Variants in PIEZO2 observed in about 807,000 individuals in gnomAD.
PIEZO2 encodes the protein piezo type mechanosensitive ion channel component 2, also known as piezo-type mechanosensitive ion channel component 2.
PIEZO2 carries 172 observed loss-of-function variants against 337.3 expected under a neutral mutation model. The observed-to-expected ratio is 0.51, with a 90% CI of 0.45 to 0.58. The LOEUF (loss-of-function observed/expected upper bound fraction) is 0.58, where lower values mean the gene tolerates loss of function less well. PIEZO2 is among the 20% of genes least tolerant of loss of function. The pLI is 0.00. For missense variants in PIEZO2, 3,028 were observed against 3,391.3 expected, an observed-to-expected ratio of 0.89 and a Z score of 2.66; for synonymous variants, 1,251 against 1,228.5, an observed-to-expected ratio of 1.02 and a Z score of -0.38.
intron 1 of PIEZO2, among the ~76,000 whole-genome samples, chr18:11,124,453 G>A (rs956127302): frequency 6.6e-6 from 1 of 152,170 alleles, no homozygotes; most frequent in African/African-American, 2.4e-5. Flanking sequence ...CAAAATGCCA[G>A]TTGAAAATAC....
At position 10,864,279 on chromosome 18, in the gene PIEZO2, C is replaced by G. The variant is rs148366659; in HGVS notation, c.492+6974G>C. ...TTTTTAACCAAGACTGGGCTCTGCT[C>G]CAAGCACAGTGCTAGGTCCAGGGTG... On this transcript the variant is annotated intron_variant, in intron 5 of 55. Transcript: ENST00000674853. 7.5e-3 allele frequency among the ~76,000 whole-genome samples: 1,146 copies of G among 152,260 alleles called. 11 individuals are homozygous for G. The highest frequency in any genetic ancestry group is 0.026 in the African/African-American group (1,072 of 41,548).
chr18:10,789,240 C>T lies in PIEZO2; in HGVS notation c.2008G>A (p.Asp670Asn). 1 of 1,537,298 alleles carries T rather than the reference C, an allele frequency of 6.5e-7. No homozygotes were observed. The highest frequency in any genetic ancestry group is 8.7e-7 in the Non-Finnish European group (1 of 1,146,908). The change falls in exon 15 of 56, where the codon GAC (aspartate) becomes AAC (asparagine). Residue 670 changes from aspartate to asparagine, a missense_variant. By Grantham distance (23) the Asp-to-Asn change is conservative. This residue lies in a region of PIEZO2 where 1,925 missense variants were observed against 2,051.9 expected (regional missense o/e 0.94). Coordinates refer to ENST00000674853, the MANE Select transcript of PIEZO2 (RefSeq NM_001378183.1). ...QEEAEEEDEQ[D>N]IMKVLGNLVV... ...AGATTGCCCAGGACTTTCATGATGT[C>T]CTGCTCATCTTCTTCTTCAGCTTCC... is the stretch of plus-strand genomic sequence containing the variant.
At chr18:11,005,549 G>A (rs2035689068) in intron 2 of PIEZO2, among the ~76,000 whole-genome samples, 1 of 152,152 alleles carries the variant, frequency 6.6e-6, no homozygotes, top group Admixed American at 6.5e-5. Context: ...CACCTGAGAG[G>A]GTGCTCATAA....
chr18:10,720,431 A>G lies in PIEZO2; in HGVS notation c.5030-2172T>C, dbSNP rs1476837385. Among the ~76,000 whole-genome samples, 5 of 4,260 alleles carry G rather than the reference A, an allele frequency of 1.2e-3. No homozygotes were observed. The South Asian group carries it at 0.015, about 13-fold the overall frequency. 2.8% of individuals were successfully genotyped at this position (4,260 alleles called of 152,430 possible). A position where few individuals can be genotyped will look rare whatever the true frequency, so the allele number is the denominator to read the frequency against. On this transcript the variant is annotated intron_variant, in intron 36 of 55. Coordinates refer to ENST00000674853, the MANE Select transcript of PIEZO2 (RefSeq NM_001378183.1). ...TGTGTATGTGTATGTATATATATAT[A>G]TATATATATATATATATATATATAT...
chr18:10,761,130 C>G lies in PIEZO2; in HGVS notation c.3250-19G>C. 1 of 1,529,398 alleles carries G rather than the reference C, an allele frequency of 6.5e-7. No individual in the cohort carries two copies. Among genetic ancestry groups the G allele is most frequent in the Non-Finnish European group, 8.8e-7 (1 of 1,139,798 alleles). The allele number at this position is 1,529,398 out of a possible 1,614,324, so 94.7% of individuals were successfully genotyped here. The stretch of plus-strand genomic sequence containing the variant: ...GGTTATTCTACAAAGCAAGGAAACA[C>G]AAATGTGTCAGCCAGAGGCTTTATG... On this transcript the variant is annotated intron_variant, in intron 23 of 55. Transcript: ENST00000674853.
At chr18:11,042,853 G>A (rs1029363812) in intron 2 of PIEZO2, among the ~76,000 whole-genome samples, 1 of 152,202 alleles carries the variant, frequency 6.6e-6, no homozygotes, top group African/African-American at 2.4e-5. Flanking sequence ...ATTCAGGGAT[G>A]CTAATCAACC....
chr18:10,691,169 C>T (rs1052521845), intron 48 of PIEZO2, 56 bp downstream of exon 48: 6 of 1,555,846 alleles, frequency 3.9e-6, no homozygotes, highest in Admixed American at 1.8e-5. Context: ...AATCAAAATG[C>T]CTTTCCACCG....
intron 3 of PIEZO2, among the ~76,000 whole-genome samples, chr18:10,957,084 A>G (rs2033569192): frequency 6.6e-6 from 1 of 151,924 alleles, no homozygotes; most frequent in South Asian, 2.1e-4. Context: ...ACAAATGGGG[A>G]AAGGACAGTC....
intron 3 of PIEZO2, among the ~76,000 whole-genome samples, chr18:10,935,893 G>A (rs552813981): frequency 6.6e-6 from 1 of 152,180 alleles, no homozygotes; most frequent in African/African-American, 2.4e-5. Flanking sequence ...TTACTTGGAA[G>A]GACATTCCAA....
intron 2 of PIEZO2, among the ~76,000 whole-genome samples, chr18:10,989,398 C>A (rs12953593): frequency 6.6e-6 from 1 of 151,804 alleles, no homozygotes; most frequent in East Asian, 1.9e-4. Flanking sequence ...AGATTAAATT[C>A]TAGAGTTAAC....
intron 3 of PIEZO2, among the ~76,000 whole-genome samples, chr18:10,913,563 A>G (rs1229618305): frequency 1.3e-5 from 2 of 152,086 alleles, no homozygotes; most frequent in Non-Finnish European, 2.9e-5. Flanking sequence ...TACTTTTCTT[A>G]ATAGGTTCCA....
intron 53 of PIEZO2, among the ~76,000 whole-genome samples, chr18:10,675,506 A>G (rs1598341331): frequency 6.6e-6 from 1 of 152,190 alleles, no homozygotes; most frequent in Non-Finnish European, 1.5e-5. Context: ...TCTGCATGTA[A>G]GTCTGTACAA....
Position 10,943,896 on chromosome 18 carries a change from T to A in PIEZO2, c.287-32668A>T, listed in dbSNP as rs1004361622. Among the ~76,000 whole-genome samples the A allele has an allele frequency of 1.3e-5, 2 of 152,148 alleles. No individual in the cohort carries two copies. The highest frequency in any genetic ancestry group is 2.9e-5 in the Non-Finnish European group (2 of 68,028). On this transcript the variant is annotated intron_variant, in intron 3 of 55. Coordinates refer to ENST00000674853, the MANE Select transcript of PIEZO2 (RefSeq NM_001378183.1). The surrounding 1 kb of genome is among the most constrained non-coding windows in gnomAD (Gnocchi z 4.5). ...GATAGTGAATGGGTCTCACGAGATC[T>A]GATGGCTTTAAAAATGGGAGTTTCT...
Position 11,147,656 on chromosome 18 carries a change from G to C in PIEZO2, c.64+869C>G, listed in dbSNP as rs1375843487. 5.9e-5 allele frequency among the ~76,000 whole-genome samples: 9 copies of C among 152,338 alleles called. No homozygotes were observed. The East Asian group carries it at 1.7e-3, about 29-fold the overall frequency. The stretch of plus-strand genomic sequence containing the variant: ...AGGGAGAGCAAAGAACCAGGGCCCG[G>C]CATTCTTACGAGAGGAATTCAATGT... On this transcript the variant is annotated intron_variant, in intron 1 of 55. Transcript: ENST00000674853.
intron 1 of PIEZO2, among the ~76,000 whole-genome samples, chr18:11,071,367 C>T (rs2038332091): frequency 2.0e-5 from 3 of 152,202 alleles, no homozygotes; most frequent in South Asian, 2.1e-4. Flanking sequence ...ATTGTAGAGA[C>T]ATTTGGTCAT....
rs1365355885 is a variant in PIEZO2 at position 10,759,669 on chromosome 18, C to T, written c.3655+36G>A. 2 of 1,536,584 alleles carry T rather than the reference C, an allele frequency of 1.3e-6. No homozygotes were observed. The highest frequency in any genetic ancestry group is 4.9e-5 in the East Asian group (2 of 40,920). On this transcript the variant is annotated intron_variant, in intron 25 of 55. Coordinates refer to ENST00000674853, the MANE Select transcript of PIEZO2 (RefSeq NM_001378183.1). The surrounding 1 kb of genome is among the most constrained non-coding windows in gnomAD (Gnocchi z 5.5). ...GCCGTCCGCTCAGTAATGGCTTCTT[C>T]TAAAAGTAGACGGCTCAAGGGAAGG... is the stretch of plus-strand genomic sequence containing the variant.
chr18:10,966,744 A>G (rs2034015952), intron 3 of PIEZO2, among the ~76,000 whole-genome samples: 2 of 151,980 alleles, frequency 1.3e-5, no homozygotes, highest in Admixed American at 1.3e-4. Flanking sequence ...ACTGTACCCA[A>G]TGTGTTGTCT....
At chr18:11,145,907 C>T (rs1356347227) in intron 1 of PIEZO2, among the ~76,000 whole-genome samples, 1 of 152,202 alleles carries the variant, frequency 6.6e-6, no homozygotes, top group Non-Finnish European at 1.5e-5. Flanking sequence ...TCCACCTCCT[C>T]TGCTTTCTCC....
intron 1 of PIEZO2, among the ~76,000 whole-genome samples, chr18:11,134,587 G>A (rs2040430325): frequency 6.6e-6 from 1 of 152,114 alleles, no homozygotes; most frequent in South Asian, 2.1e-4. Context: ...TTCAATGTGT[G>A]CTCCCAGGAC....
Sources: gnomAD v4.1 joint callset for allele counts (sites outside exome capture counted in the v4.1 genomes callset) on GRCh38, gnomAD v4.1.1 for gene constraint, gnomAD v4.1.1 regional missense constraint, Gnocchi (gnomAD v3.1) non-coding constraint, MANE v1.5 for transcripts, NCBI Gene and HGNC (gene_info 2026-07-23, HGNC 2026-07-21) for gene names.